Variants in RSBN1 observed in about 807,000 individuals in gnomAD.
RSBN1 encodes round spermatid basic protein 1.
Under a neutral mutation model 74.8 loss-of-function variants are expected in RSBN1, and 23 were observed. That is an observed-to-expected ratio of 0.31 (90% CI 0.22 to 0.44). RSBN1 has a LOEUF of 0.44. RSBN1 is among the 20% of genes least tolerant of loss of function. The pLI is 1.00. For synonymous variants in RSBN1, 407 were observed against 379.6 expected (o/e 1.07, Z -0.84); for missense variants, 808 against 1,020.9 (o/e 0.79, Z 2.84).
At chr1:113,803,543 C>A (rs1362391987) in intron 1 of RSBN1, among the ~76,000 whole-genome samples, 1 of 152,158 alleles carries the variant, frequency 6.6e-6, no homozygotes, top group Non-Finnish European at 1.5e-5. Flanking sequence ...AGAACAGTAT[C>A]TCATTATAAA....
chr1:113,788,894 A>C (rs1660310403), intron 2 of RSBN1, among the ~76,000 whole-genome samples: 1 of 152,134 alleles, frequency 6.6e-6, no homozygotes, highest in South Asian at 2.1e-4. Flanking sequence ...ACCCAAAAAA[A>C]GACATTTACA....
At chr1:113,779,812 G>A (rs1009757596) in intron 2 of RSBN1, among the ~76,000 whole-genome samples, 1 of 151,682 alleles carries the variant, frequency 6.6e-6, no homozygotes, top group Non-Finnish European at 1.5e-5. Context: ...CATGATGTCA[G>A]GAGCTCAAGA....
chr1:113,793,166 T>C (rs61817618), intron 2 of RSBN1, among the ~76,000 whole-genome samples: 3,156 of 152,304 alleles, frequency 0.021, 70 homozygotes, highest in Non-Finnish European at 0.029. Flanking sequence ...CTTTTAAAAA[T>C]GCAGATTCTG....
chr1:113,795,870 C>G (rs1660460711), intron 2 of RSBN1, among the ~76,000 whole-genome samples: 1 of 152,128 alleles, frequency 6.6e-6, no homozygotes, highest in Non-Finnish European at 1.5e-5. Flanking sequence ...AAAAGACACC[C>G]TTACAAAACT....
At chr1:113,794,984 C>G (rs571593704) in intron 2 of RSBN1, among the ~76,000 whole-genome samples, 1 of 152,268 alleles carries the variant, frequency 6.6e-6, no homozygotes, top group Non-Finnish European at 1.5e-5. Flanking sequence ...ATTTATTTGA[C>G]TTTATTTCTA....
intron 4 of RSBN1, among the ~76,000 whole-genome samples, chr1:113,776,810 C>CA (rs58152175): frequency 0.019 from 1,709 of 90,130 alleles, 41 homozygotes; most frequent in African/African-American, 0.056. Flanking sequence ...GACCCTATCT[C>CA]AAAAAAAAAA....
At chr1:113,778,874 C>T (rs943403115) in intron 2 of RSBN1, among the ~76,000 whole-genome samples, 1 of 152,208 alleles carries the variant, frequency 6.6e-6, no homozygotes, top group South Asian at 2.1e-4. Flanking sequence ...CATAAATATG[C>T]AGCCCAGAGC....
chr1:113,789,717 T>G (rs545730313), intron 2 of RSBN1, among the ~76,000 whole-genome samples: 1 of 152,186 alleles, frequency 6.6e-6, no homozygotes, highest in East Asian at 1.9e-4. Flanking sequence ...AAGAACTGAT[T>G]GCTTGCTTGT....
chr1:113,778,067 C>T (rs889159092), intron 2 of RSBN1, among the ~76,000 whole-genome samples: 1 of 152,038 alleles, frequency 6.6e-6, no homozygotes, highest in Non-Finnish European at 1.5e-5. Context: ...CTATTTAATA[C>T]TTAAACTTCT....
intron 1 of RSBN1, among the ~76,000 whole-genome samples, chr1:113,810,820 C>T (rs1342005373): frequency 6.6e-6 from 1 of 152,102 alleles, no homozygotes; most frequent in African/African-American, 2.4e-5. Flanking sequence ...AAACATACGG[C>T]ATAATCAAAA....
intron 1 of RSBN1, among the ~76,000 whole-genome samples, chr1:113,802,618 T>C (rs2101823819): frequency 6.6e-6 from 1 of 152,298 alleles, no homozygotes; most frequent in East Asian, 1.9e-4. Flanking sequence ...AAGAGCGCTG[T>C]CTAGGTTTAA....
At position 113,811,939 on chromosome 1, in the gene RSBN1, G is replaced by A; in HGVS notation, c.474C>T (p.Val158=). The stretch of plus-strand genomic sequence containing the variant: ...TGCTTGGGGCCGGGAGAGGGGCAGC[G>A]ACAGCGGGCCCGGCGGGTGCCAGCG... ...PPSLAPAGPA[V]AAPLPAPSTS... is the part of the protein sequence containing the mutation. The change falls in exon 1 of 7, where the codon GTC becomes GTT. Residue 158 remains valine, a synonymous_variant. Coordinates refer to ENST00000261441, the MANE Select transcript of RSBN1 (RefSeq NM_018364.5). 1.3e-6 allele frequency: 2 copies of A among 1,598,720 alleles called. No homozygotes were observed. The highest frequency in any genetic ancestry group is 1.7e-5 in the Admixed American group (1 of 57,794).
chr1:113,779,483 G>C (rs886279449), intron 2 of RSBN1, among the ~76,000 whole-genome samples: 2 of 152,028 alleles, frequency 1.3e-5, no homozygotes, highest in African/African-American at 4.8e-5. Context: ...ACCCAGGCCA[G>C]AATTACTTTA....
intron 2 of RSBN1, among the ~76,000 whole-genome samples, chr1:113,779,207 G>C (rs1240701337): frequency 6.6e-6 from 1 of 152,044 alleles, no homozygotes; most frequent in Non-Finnish European, 1.5e-5. Context: ...CTACTGTCAT[G>C]TTTTAAATAC....
At chr1:113,789,702 T>C (rs1205811489) in intron 2 of RSBN1, among the ~76,000 whole-genome samples, 1 of 152,198 alleles carries the variant, frequency 6.6e-6, no homozygotes, top group Non-Finnish European at 1.5e-5. Flanking sequence ...AGCTGGTGTC[T>C]GCTGAAGAAC....
At chr1:113,778,927 C>T (rs1463384473) in intron 2 of RSBN1, among the ~76,000 whole-genome samples, 1 of 152,148 alleles carries the variant, frequency 6.6e-6, no homozygotes, top group Non-Finnish European at 1.5e-5. Context: ...TAATTCCATA[C>T]AATCTGATAC....
chr1:113,770,468 C>T (rs1659866451), intron 4 of RSBN1, among the ~76,000 whole-genome samples: 1 of 152,106 alleles, frequency 6.6e-6, no homozygotes, highest in Non-Finnish European at 1.5e-5. Context: ...CAAGTTTGAA[C>T]CAAAATTTTT....
chr1:113,769,572 G>A (rs1343989355), intron 4 of RSBN1, among the ~76,000 whole-genome samples: 16 of 152,088 alleles, frequency 1.1e-4, no homozygotes, highest in Admixed American at 1.0e-3. Flanking sequence ...ATGTGCTCAA[G>A]AATTTCTAAA....
At chr1:113,778,553 G>A (rs1312730293) in intron 2 of RSBN1, among the ~76,000 whole-genome samples, 1 of 152,014 alleles carries the variant, frequency 6.6e-6, no homozygotes, top group African/African-American at 2.4e-5. Context: ...ACCCGCCTTG[G>A]CCTCCCAAAG....
Sources: gnomAD v4.1 joint callset for allele counts (sites outside exome capture counted in the v4.1 genomes callset) on GRCh38, gnomAD v4.1.1 for gene constraint, MANE v1.5 for transcripts, NCBI Gene and HGNC (gene_info 2026-07-23, HGNC 2026-07-21) for gene names.